The following ITGB3 variants were observed in gnomAD, a reference collection of about 807,000 sequenced individuals.
ITGB3 encodes integrin beta-3.
ITGB3 carries 48 observed loss-of-function variants against 85.8 expected under a neutral mutation model. The ratio of observed to expected loss-of-function variants is 0.56; its 90% CI spans 0.44 to 0.71. The LOEUF is 0.71. Among genes scored for constraint, ITGB3 ranks in the 30% least tolerant of loss-of-function variants. The pLI is 0.00. For missense variants in ITGB3, 861 were observed against 1,019.1 expected (o/e 0.84, Z 2.11); for synonymous variants, 363 against 395.6 (o/e 0.92, Z 0.98).
chr17:47,292,406 G>A lies in ITGB3; in HGVS notation c.1528G>A (p.Asp510Asn), dbSNP rs986948995. Residue 510 changes from aspartate to asparagine, a missense_variant, in exon 10 of 15, where the codon GAC becomes AAC. Transcript: ENST00000559488. ...GGAGGACTATCGCCCTTCCCAGCAG[G>A]ACGAATGCAGCCCCCGGGAGGGTCA... ...SEEDYRPSQQ[D>N]ECSPREGQPV... The A allele has an allele frequency of 6.2e-7, 1 of 1,613,058 alleles. No individual in the cohort carries two copies.
In ITGB3 at chr17:47,274,461, A is replaced by G. The variant is rs368427993; in HGVS notation, c.122A>G (p.Gln41Arg). Residue 41 changes from glutamine (Q) to arginine (R), a missense_variant, in exon 2 of 15, where the codon CAG becomes CGG. Gln to Arg is a conservative substitution (Grantham distance 43, BLOSUM62 1). Transcript: ENST00000559488. ...CTTRGVSSCQ[Q>R]CLAVSPMCAW... is the part of the protein sequence containing the mutation. ...ACGCGAGGTGTGAGCTCCTGCCAGC[A>G]GTGCCTGGCTGTGAGCCCCATGTGT... The G allele has an allele frequency of 6.2e-6, 10 of 1,613,748 alleles. No homozygotes were observed. In the African/African-American group the frequency reaches 1.2e-4, roughly 19 times the overall value.
chr17:47,286,416 C>T lies in ITGB3; in HGVS notation c.771C>T (p.Val257=). The change falls in exon 5 of 15, where the codon GTC becomes GTT. Residue 257 remains valine (V), a synonymous_variant. Coordinates refer to ENST00000559488, the MANE Select transcript of ITGB3 (RefSeq NM_000212.3). ...TTGATGCCATCATGCAGGCTACAGT[C>T]TGTGATGTGAGTTTGGAGGACTTGG... is the stretch of plus-strand genomic sequence containing the variant. ...GGFDAIMQAT[V]CDEKIGWRND... 3 of 1,614,062 alleles carry T rather than the reference C, an allele frequency of 1.9e-6. No individual in the cohort carries two copies. The highest frequency in any genetic ancestry group is 2.5e-6 in the Non-Finnish European group (3 of 1,179,988).
chr17:47,254,774 G>A (rs1009312), intron 1 of ITGB3, among the ~76,000 whole-genome samples: 34,556 of 152,106 alleles, frequency 0.23, 4,695 homozygotes, highest in East Asian at 0.48. Context: ...GGCACAGCCC[G>A]GGGTTGCTGC....
intron 4 of ITGB3, 151 bp from the exon 5 acceptor site, chr17:47,286,109 T>G (rs1567764708): frequency 2.4e-6 from 2 of 840,436 alleles, no homozygotes; most frequent in Non-Finnish European, 4.0e-6. Flanking sequence ...AATTTGAGGA[T>G]TTTGGAGTCT....
intron 1 of ITGB3, among the ~76,000 whole-genome samples, chr17:47,260,514 C>T (rs2065005350): frequency 6.6e-6 from 1 of 152,208 alleles, no homozygotes; most frequent in Admixed American, 6.5e-5. Flanking sequence ...CTTAAAAAGT[C>T]CCTGTAGTCA....
chr17:47,269,961 G>A (rs1470998134), intron 1 of ITGB3, among the ~76,000 whole-genome samples: 3 of 152,212 alleles, frequency 2.0e-5, no homozygotes, highest in African/African-American at 7.2e-5. Flanking sequence ...TTACAATCAT[G>A]GTGGAAGGGG....
At chr17:47,307,963 C>G (rs1285358895) in intron 14 of ITGB3, among the ~76,000 whole-genome samples, 3 of 151,884 alleles carry the variant, frequency 2.0e-5, no homozygotes, top group South Asian at 2.1e-4. Context: ...CTCAAGAGTT[C>G]GAGACCAGCC....
intron 1 of ITGB3, among the ~76,000 whole-genome samples, chr17:47,270,004 G>A (rs926789386): frequency 2.6e-5 from 4 of 152,230 alleles, no homozygotes; most frequent in African/African-American, 9.6e-5. Context: ...ATGGTGGCAG[G>A]ATGGAGAAGT....
At chr17:47,309,895 G>GAAAAAA (rs11354112) in intron 14 of ITGB3, among the ~76,000 whole-genome samples, 1 of 113,058 alleles carries the variant, frequency 8.8e-6, no homozygotes. Flanking sequence ...GACCCTGTCT[G>GAAAAAA]AAAAAAAAAA....
rs761322769 is a variant in ITGB3, at chr17:47,313,698, G to T, written c.*3494G>T. On this transcript the variant is annotated 3_prime_UTR_variant, in exon 15 of 15. Coordinates refer to ENST00000559488, the MANE Select transcript of ITGB3 (RefSeq NM_000212.3). ...TCCTCACTTCCTAACCACCTTCTCT[G>T]TTTGGGTTTGTGCAACAGTAAATTA... is the stretch of plus-strand genomic sequence containing the variant. Among the ~76,000 whole-genome samples the T allele has an allele frequency of 1.3e-5, 2 of 152,102 alleles. No homozygotes were observed. Among genetic ancestry groups the T allele is most frequent in the Non-Finnish European group, 2.9e-5 (2 of 68,010 alleles).
rs766237947 is a variant in ITGB3 at position 47,291,080 on chromosome 17, G to A, written c.1252G>A (p.Gly418Arg). Residue 418 changes from glycine (G) to arginine (R), a missense_variant, in exon 9 of 15, where the codon GGA (glycine) becomes AGA (arginine). Coordinates refer to ENST00000559488, the MANE Select transcript of ITGB3 (RefSeq NM_000212.3). ...CAAGTCTTGTATGGGACTCAAGATTGGAGACACGGTGAGGTGGGCTGGGCA... is the reference window on the plus strand; with the variant it reads ...CAAGTCTTGTATGGGACTCAAGATTAGAGACACGGTGAGGTGGGCTGGGCA... ...GLKSCMGLKI[G>R]DTVSFSIEAK... 1.2e-6 allele frequency: 2 copies of A among 1,614,156 alleles called. No individual in the cohort carries two copies. Among genetic ancestry groups the A allele is most frequent in the Non-Finnish European group, 8.5e-7 (1 of 1,180,040 alleles).
Position 47,301,895 on chromosome 17 carries a change from C to T in ITGB3, c.2015-826C>T, listed in dbSNP as rs150344309. Among the ~76,000 whole-genome samples the T allele has an allele frequency of 5.2e-4, 79 of 152,186 alleles. 1 individual carries two copies. The East Asian group carries it at 0.012, about 23-fold the overall frequency. ...AGGTCCTGAAATCCGTACTCTTTTC[C>T]CTGTATTATAATACCACTGGTTTTC... is the stretch of plus-strand genomic sequence containing the variant. On this transcript the variant is annotated intron_variant, in intron 12 of 14. Coordinates refer to ENST00000559488, the MANE Select transcript of ITGB3 (RefSeq NM_000212.3).
rs1246776222 is a variant in ITGB3, at chr17:47,290,972, G to A, written c.1144G>A (p.Glu382Lys). The change falls in exon 9 of 15, where the codon GAG becomes AAG. Residue 382 changes from glutamate to lysine, a missense_variant. By Grantham distance (56) the Glu-to-Lys change is moderately conservative. Transcript: ENST00000559488. The stretch of plus-strand genomic sequence containing the variant: ...TGCTCAGAAAATCCGTTCTAAAGTA[G>A]AGCTGGAAGTGCGTGACCTCCCTGA... ...DAYGKIRSKV[E>K]LEVRDLPEEL... 1.1e-5 allele frequency: 18 copies of A among 1,614,106 alleles called. No individual in the cohort carries two copies. The highest frequency in any genetic ancestry group is 1.4e-5 in the Non-Finnish European group (16 of 1,180,022).
At chr17:47,290,161 G>T (rs2065119365) in intron 7 of ITGB3, 24 bp from the exon 8 acceptor site, 1 of 1,587,812 alleles carries the variant, frequency 6.3e-7, no homozygotes, top group African/African-American at 1.3e-5. Flanking sequence ...GGTAAGCTCT[G>T]GACATCTTTG....
intron 4 of ITGB3, among the ~76,000 whole-genome samples, chr17:47,286,024 G>A (rs1250821313): frequency 2.6e-5 from 4 of 152,194 alleles, no homozygotes; most frequent in Non-Finnish European, 5.9e-5. Flanking sequence ...TAAGCTCAGG[G>A]AGTCTTGTTT....
In ITGB3 at chr17:47,287,082, T is replaced by C; in HGVS notation, c.790T>C (p.Trp264Arg). 1 of 1,614,052 alleles carries C rather than the reference T, an allele frequency of 6.2e-7. No homozygotes were observed. The highest frequency in any genetic ancestry group is 8.5e-7 in the Non-Finnish European group (1 of 1,179,970). ...TTTCTTTTAACAGGAAAAGATTGGCTGGAGGAATGATGCATCCCACTTGCT... is the reference window on the plus strand; with the variant it reads ...TTTCTTTTAACAGGAAAAGATTGGCCGGAGGAATGATGCATCCCACTTGCT... ...QATVCDEKIG[W>R]RNDASHLLVF... is the part of the protein sequence containing the mutation. Residue 264 changes from tryptophan (W) to arginine (R), a missense_variant, in exon 6 of 15, where the codon TGG (tryptophan) becomes CGG (arginine). By Grantham distance (101) the Trp-to-Arg change is moderately radical. Coordinates refer to ENST00000559488, the MANE Select transcript of ITGB3 (RefSeq NM_000212.3).
intron 4 of ITGB3, among the ~76,000 whole-genome samples, chr17:47,285,057 A>G (rs2292700): frequency 0.11 from 17,076 of 152,258 alleles, 1,215 homozygotes; most frequent in East Asian, 0.24. Flanking sequence ...CATTGTTGGC[A>G]TTATTGTCTT....
intron 2 of ITGB3, among the ~76,000 whole-genome samples, chr17:47,280,203 T>C (rs1250045301): frequency 6.6e-6 from 1 of 152,214 alleles, no homozygotes; most frequent in African/African-American, 2.4e-5. Context: ...AAACTCTACT[T>C]ACTTCTTGCC....
chr17:47,299,501 C>T lies in ITGB3; in HGVS notation c.1884C>T (p.Pro628=). Reference sequence around the variant, plus strand: ...ATGGGGACACCTGTGAGAAGTGCCCCACCTGCCCAGATGCCTGCACCTTTA... The same window carrying T: ...ATGGGGACACCTGTGAGAAGTGCCCTACCTGCCCAGATGCCTGCACCTTTA... ...GSYGDTCEKC[P]TCPDACTFKK... Residue 628 remains proline, a synonymous_variant, in exon 11 of 15, where the codon CCC becomes CCT. Transcript: ENST00000559488. This position sits in a 1 kb window ranked among gnomAD's most constrained non-coding sequence, Gnocchi z 5.1. 6.2e-7 allele frequency: 1 copy of T among 1,614,188 alleles called. No homozygotes were observed. Among genetic ancestry groups the T allele is most frequent in the Non-Finnish European group, 8.5e-7 (1 of 1,180,016 alleles).
Sources: allele counts gnomAD v4.1 joint callset (sites outside exome capture counted in the v4.1 genomes callset), GRCh38; gene constraint gnomAD v4.1.1; non-coding constraint Gnocchi (gnomAD v3.1); transcripts MANE v1.5; gene names NCBI Gene and HGNC (gene_info 2026-07-23, HGNC 2026-07-21).